Variants in GRM8 observed in about 807,000 individuals in gnomAD.
The protein encoded by GRM8 is glutamate metabotropic receptor 8.
Under a neutral mutation model 87.2 loss-of-function variants are expected in GRM8, and 47 were observed. That is an observed-to-expected ratio of 0.54 (90% CI 0.43 to 0.69). GRM8 has a LOEUF of 0.69. Ranked by LOEUF, GRM8 falls within the 30% of genes least tolerant of loss-of-function variation. The pLI is 0.00. For missense variants in GRM8, 1,019 were observed against 1,139.2 expected (o/e 0.89, Z 1.52); for synonymous variants, 396 against 404.5 (o/e 0.98, Z 0.25).
chr7:126,444,420 C>G (rs898609891), intron 10 of GRM8, among the ~76,000 whole-genome samples: 2 of 152,032 alleles, frequency 1.3e-5, no homozygotes, highest in Non-Finnish European at 2.9e-5. Context: ...TTTCTTACTT[C>G]ACAAGGTTTC....
At chr7:127,022,518 G>A (rs544894410) in intron 3 of GRM8, among the ~76,000 whole-genome samples, 10 of 152,106 alleles carry the variant, frequency 6.6e-5, no homozygotes, top group South Asian at 2.1e-4. Context: ...AGGCATGGGG[G>A]TGGAGGGAGG....
At chr7:126,720,012 C>A (rs1309276800) in intron 7 of GRM8, among the ~76,000 whole-genome samples, 1 of 152,068 alleles carries the variant, frequency 6.6e-6, no homozygotes, top group Non-Finnish European at 1.5e-5. Flanking sequence ...GTAAGAGTAG[C>A]TGTTATATCA....
At chr7:127,170,821 C>A (rs148940944) in intron 2 of GRM8, among the ~76,000 whole-genome samples, 1 of 152,038 alleles carries the variant, frequency 6.6e-6, no homozygotes, top group Non-Finnish European at 1.5e-5. Flanking sequence ...AATGATACAA[C>A]GGACTTTGGG....
At chr7:127,202,915 T>C (rs866196280) in intron 2 of GRM8, among the ~76,000 whole-genome samples, 15 of 152,334 alleles carry the variant, frequency 9.8e-5, no homozygotes, top group Middle Eastern at 3.4e-3. Flanking sequence ...ATCCTCATCT[T>C]CCGAATACAT....
chr7:127,111,740 T>G (rs942092935), intron 2 of GRM8, among the ~76,000 whole-genome samples: 1 of 152,156 alleles, frequency 6.6e-6, no homozygotes, highest in Admixed American at 6.6e-5. Context: ...AAAACAGATC[T>G]TAAAGGCTGG....
chr7:126,818,044 G>A (rs1793955724), intron 6 of GRM8, among the ~76,000 whole-genome samples: 1 of 152,012 alleles, frequency 6.6e-6, no homozygotes, highest in South Asian at 2.1e-4. Context: ...AAACTTCTTT[G>A]ACTCTTTTTG....
intron 2 of GRM8, among the ~76,000 whole-genome samples, chr7:127,207,081 T>C (rs1026642110): frequency 1.3e-5 from 2 of 152,208 alleles, no homozygotes; most frequent in African/African-American, 2.4e-5. Context: ...TTTGAGAGGA[T>C]GCAGCCACTT....
chr7:126,512,690 T>A (rs1562903053), intron 9 of GRM8: 3 of 152,080 alleles, frequency 2.0e-5, no homozygotes, highest in Admixed American at 1.3e-4. Flanking sequence ...AATCAAAGAA[T>A]AAGAAAATGT....
chr7:126,654,058 C>T (rs1206284802), intron 7 of GRM8, among the ~76,000 whole-genome samples: 6 of 152,192 alleles, frequency 3.9e-5, no homozygotes, highest in Admixed American at 3.9e-4. Context: ...GAGGAAATGT[C>T]ATCCATTAGA....
Position 126,600,099 on chromosome 7 carries a change from A to T in GRM8, c.1494+9263T>A, listed in dbSNP as rs184273151. On this transcript the variant is annotated intron_variant, in intron 8 of 10. Coordinates refer to ENST00000339582, the MANE Select transcript of GRM8 (RefSeq NM_000845.3). Reference sequence around the variant, plus strand: ...TATCCAGTGTCCCTAGTTTAAGGTGATCATTGATTCCTTGAATTCACATTC... The same window carrying T: ...TATCCAGTGTCCCTAGTTTAAGGTGTTCATTGATTCCTTGAATTCACATTC... Among the ~76,000 whole-genome samples the T allele has an allele frequency of 5.3e-5, 8 of 152,278 alleles. No individual in the cohort carries two copies. The East Asian group carries it at 1.4e-3, about 26-fold the overall frequency.
Position 127,092,478 on chromosome 7 carries a change from T to C in GRM8, c.727+14018A>G, listed in dbSNP as rs138962857. Among the ~76,000 whole-genome samples the C allele has an allele frequency of 2.4e-3, 372 of 152,292 alleles. 2 individuals are homozygous for C. The highest frequency in any genetic ancestry group is 8.6e-3 in the African/African-American group (358 of 41,572). On this transcript the variant is annotated intron_variant, in intron 3 of 10. Transcript: ENST00000339582. Reference sequence around the variant, plus strand: ...CAGGAGGCCAAGGCAGGTGGATCTCTTGAGGCCAGGAGTTTGAGATGAGCC... The same window carrying C: ...CAGGAGGCCAAGGCAGGTGGATCTCCTGAGGCCAGGAGTTTGAGATGAGCC...
At chr7:126,741,574 C>G (rs1815003566) in intron 7 of GRM8, among the ~76,000 whole-genome samples, 1 of 152,042 alleles carries the variant, frequency 6.6e-6, no homozygotes, top group Non-Finnish European at 1.5e-5. Context: ...ACTGAAATGT[C>G]CTCAAGAAGA....
At chr7:126,715,681 T>C (rs1055240040) in intron 7 of GRM8, among the ~76,000 whole-genome samples, 2 of 152,190 alleles carry the variant, frequency 1.3e-5, no homozygotes, top group Non-Finnish European at 2.9e-5. Flanking sequence ...AATGGATCCA[T>C]GCAGCTCAAA....
chr7:126,688,885 T>C (rs1386718861), intron 7 of GRM8, among the ~76,000 whole-genome samples: 1 of 152,040 alleles, frequency 6.6e-6, no homozygotes, highest in African/African-American at 2.4e-5. Context: ...GCTTTTCCTC[T>C]ACAAAAAAAA....
intron 2 of GRM8, among the ~76,000 whole-genome samples, chr7:127,233,417 T>C (rs1797810321): frequency 6.6e-6 from 1 of 152,218 alleles, no homozygotes; most frequent in Non-Finnish European, 1.5e-5. Context: ...ACATGGTATT[T>C]GTTCTAGAAA....
At chr7:127,016,019 T>C (rs909491141) in intron 3 of GRM8, among the ~76,000 whole-genome samples, 10 of 152,106 alleles carry the variant, frequency 6.6e-5, no homozygotes, top group Non-Finnish European at 1.2e-4. Context: ...GTTTTTGCCA[T>C]ACAAACAAGC....
At chr7:126,739,406 GCACACACACACA>G (rs3222171) in intron 7 of GRM8, among the ~76,000 whole-genome samples, 2 of 148,796 alleles carry the variant, frequency 1.3e-5, no homozygotes. Context: ...AATTGTGTTT[GCACACACACACA>G]CACACACACA....
At chr7:126,769,240 C>G (rs1275436085) in intron 7 of GRM8, among the ~76,000 whole-genome samples, 1 of 152,078 alleles carries the variant, frequency 6.6e-6, no homozygotes, top group African/African-American at 2.4e-5. Flanking sequence ...GGGCTATTTT[C>G]AATCAAATAC....
At chr7:126,825,724 T>TTTA (rs949663522) in intron 6 of GRM8, among the ~76,000 whole-genome samples, 2 of 152,184 alleles carry the variant, frequency 1.3e-5, no homozygotes, top group African/African-American at 4.8e-5. Context: ...GAAACTTTTT[T>TTTA]TTATTATTAT....
Sources: gnomAD v4.1 joint callset for allele counts (sites outside exome capture counted in the v4.1 genomes callset) on GRCh38, gnomAD v4.1.1 for gene constraint, MANE v1.5 for transcripts, NCBI Gene and HGNC (gene_info 2026-07-23, HGNC 2026-07-21) for gene names.